ELOVL6: variants seen among roughly 807,000 people sequenced by gnomAD.
ELOVL6 encodes ELOVL fatty acid elongase 6.
ELOVL6 carries 8 observed loss-of-function variants against 31.7 expected under a neutral mutation model. That is an observed-to-expected ratio of 0.25 (90% CI 0.15 to 0.45). The LOEUF (loss-of-function observed/expected upper bound fraction) is 0.45, where lower values mean the gene tolerates loss of function less well. Among genes scored for constraint, ELOVL6 ranks in the 20% least tolerant of loss-of-function variants. The pLI, the probability that ELOVL6 is intolerant of heterozygous loss-of-function variation, is 1.00. For synonymous variants in ELOVL6, 101 were observed against 117.7 expected (o/e 0.86, Z 0.92); for missense variants, 126 against 326.4 (o/e 0.39, Z 4.73).
At chr4:110,084,336 A>T (rs879718703) in intron 2 of ELOVL6, among the ~76,000 whole-genome samples, 8 of 125,264 alleles carry the variant, frequency 6.4e-5, no homozygotes, top group East Asian at 2.4e-4. Context: ...GATATATATC[A>T]CATATATGAT....
chr4:110,193,785 C>T (rs1184033817), intron 1 of ELOVL6, among the ~76,000 whole-genome samples: 3 of 152,010 alleles, frequency 2.0e-5, no homozygotes, highest in African/African-American at 7.3e-5. Context: ...TTTACACCAC[C>T]AAGGGAGTGA....
At chr4:110,144,908 T>G (rs1758064607) in intron 1 of ELOVL6, among the ~76,000 whole-genome samples, 1 of 152,090 alleles carries the variant, frequency 6.6e-6, no homozygotes, top group African/African-American at 2.4e-5. Flanking sequence ...GTTGAAACCT[T>G]TCTCTTCTAT....
chr4:110,198,556 TCTC>T lies in ELOVL6; in HGVS notation c.-224_-222del. ...CGCTCCCAGCTCCTCTCTCTGGGGC[TCTC>T]CTCCTCCCGGCGTCCGCATCCACCG... is the stretch of plus-strand genomic sequence containing the variant. On this transcript the variant is annotated 5_prime_UTR_variant, in exon 1 of 4. Transcript: ENST00000302274. 2.1e-6 allele frequency: 1 copy of T among 487,646 alleles called. No individual in the cohort carries two copies. Among genetic ancestry groups the T allele is most frequent in the Non-Finnish European group, 3.6e-6 (1 of 276,946 alleles). The allele number at this position is 487,646 out of a possible 1,614,324, so 30.2% of individuals were successfully genotyped here. A position where few individuals can be genotyped will look rare whatever the true frequency, so the allele number is the denominator to read the frequency against.
At chr4:110,061,149 C>T (rs1219746221) in intron 2 of ELOVL6, among the ~76,000 whole-genome samples, 1 of 152,098 alleles carries the variant, frequency 6.6e-6, no homozygotes, top group Non-Finnish European at 1.5e-5. Context: ...CTGTTTAATC[C>T]TTCAGTGGTT....
intron 3 of ELOVL6, among the ~76,000 whole-genome samples, chr4:110,058,334 A>C (rs571599721): frequency 2.0e-5 from 3 of 152,258 alleles, no homozygotes; most frequent in African/African-American, 7.2e-5. Flanking sequence ...GTAGTTATCT[A>C]GTTATTTTGG....
chr4:110,139,667 G>A (rs2126260628), intron 1 of ELOVL6, among the ~76,000 whole-genome samples: 2 of 152,196 alleles, frequency 1.3e-5, no homozygotes, highest in Middle Eastern at 3.4e-3. Flanking sequence ...GCAAAAGTCA[G>A]CTTTGTTTAT....
intron 1 of ELOVL6, among the ~76,000 whole-genome samples, chr4:110,112,020 A>G (rs578140628): frequency 1.3e-5 from 2 of 152,364 alleles, no homozygotes; most frequent in South Asian, 4.1e-4. Context: ...TAAATAAACA[A>G]TAGACTAAAT....
chr4:110,169,629 G>T (rs1758884962), intron 1 of ELOVL6, among the ~76,000 whole-genome samples: 1 of 152,088 alleles, frequency 6.6e-6, no homozygotes, highest in South Asian at 2.1e-4. Flanking sequence ...CAATGGTGAA[G>T]GATTCACGGT....
At chr4:110,091,275 G>A (rs1253690857) in intron 2 of ELOVL6, among the ~76,000 whole-genome samples, 1 of 152,130 alleles carries the variant, frequency 6.6e-6, no homozygotes, top group Non-Finnish European at 1.5e-5. Context: ...AGATGGGTTT[G>A]GTCTCAGTAA....
intron 1 of ELOVL6, among the ~76,000 whole-genome samples, chr4:110,162,509 A>AC (rs1553961693): frequency 6.6e-6 from 1 of 151,770 alleles, no homozygotes; most frequent in Non-Finnish European, 1.5e-5. Flanking sequence ...ACTATGCCTA[A>AC]TTTTTTTTCT....
At chr4:110,084,224 TGA>T (rs1491289819) in intron 2 of ELOVL6, among the ~76,000 whole-genome samples, 2 of 94,944 alleles carry the variant, frequency 2.1e-5, no homozygotes, top group African/African-American at 9.4e-5. Flanking sequence ...ATAACTTATA[TGA>T]TATATATAAC....
intron 1 of ELOVL6, among the ~76,000 whole-genome samples, chr4:110,126,075 A>C: frequency 6.6e-6 from 1 of 151,882 alleles, no homozygotes; most frequent in African/African-American, 2.4e-5. Context: ...ACAGGATCTC[A>C]CTCTGTTGCC....
chr4:110,097,127 G>A (rs544109137), intron 2 of ELOVL6, among the ~76,000 whole-genome samples: 24 of 151,934 alleles, frequency 1.6e-4, no homozygotes, highest in Non-Finnish European at 2.4e-4. Context: ...CCAAGATGGC[G>A]AAACCCTGCC....
chr4:110,188,766 C>A (rs1353674016), intron 1 of ELOVL6, among the ~76,000 whole-genome samples: 1 of 151,888 alleles, frequency 6.6e-6, no homozygotes, highest in Non-Finnish European at 1.5e-5. Context: ...GTGGCGTATG[C>A]CTGTAATCCC....
chr4:110,072,228 A>G (rs537668278), intron 2 of ELOVL6, among the ~76,000 whole-genome samples: 2 of 152,346 alleles, frequency 1.3e-5, no homozygotes, highest in South Asian at 4.1e-4. Context: ...CTGTAATCCC[A>G]GCACTTTGGG....
chr4:110,082,889 C>T (rs1489455632), intron 2 of ELOVL6, among the ~76,000 whole-genome samples: 7 of 152,048 alleles, frequency 4.6e-5, no homozygotes, highest in East Asian at 3.9e-4. Flanking sequence ...TATCCACAAA[C>T]GCTTTTAACA....
At chr4:110,075,471 G>C (rs1397778973) in intron 2 of ELOVL6, among the ~76,000 whole-genome samples, 1 of 152,136 alleles carries the variant, frequency 6.6e-6, no homozygotes, top group African/African-American at 2.4e-5. Flanking sequence ...CAAAGTGGAA[G>C]AACCTGGAGG....
intron 2 of ELOVL6, among the ~76,000 whole-genome samples, chr4:110,101,425 T>G (rs1223343001): frequency 6.6e-6 from 1 of 151,888 alleles, no homozygotes. Context: ...ACTACTCACT[T>G]GAAATTCTAC....
chr4:110,187,039 A>G (rs1489475259), intron 1 of ELOVL6, among the ~76,000 whole-genome samples: 1 of 151,208 alleles, frequency 6.6e-6, no homozygotes, highest in Non-Finnish European at 1.5e-5. Context: ...TATTATAATT[A>G]GCCAATCCTT....
Sources: gnomAD v4.1 joint callset for allele counts (sites outside exome capture counted in the v4.1 genomes callset) on GRCh38, gnomAD v4.1.1 for gene constraint, MANE v1.5 for transcripts, NCBI Gene and HGNC (gene_info 2026-07-23, HGNC 2026-07-21) for gene names.